Variants in MAGI1 observed in about 807,000 individuals in gnomAD.
The protein encoded by MAGI1 is membrane-associated guanylate kinase, WW and PDZ domain-containing protein 1.
In MAGI1, 58 loss-of-function variants were observed where a neutral mutation model predicts 139.9. That is an observed-to-expected ratio of 0.41 (90% CI 0.34 to 0.52). The LOEUF (loss-of-function observed/expected upper bound fraction) is 0.52. MAGI1 is among the 20% of genes least tolerant of loss of function. The pLI, the probability that MAGI1 is intolerant of heterozygous loss-of-function variation, is 0.12. For synonymous variants in MAGI1, 812 were observed against 737.9 expected, an observed-to-expected ratio of 1.10 and a Z score of -1.63; for missense variants, 1,874 against 1,901.6, an observed-to-expected ratio of 0.99 and a Z score of 0.27.
intron 1 of MAGI1, among the ~76,000 whole-genome samples, chr3:66,024,103 G>A (rs745915832): frequency 1.4e-4 from 22 of 151,946 alleles, no homozygotes; most frequent in Admixed American, 1.4e-3. Context: ...TCAGTATCCT[G>A]GGCCCTGAGA....
In MAGI1 at chr3:65,372,254, T is replaced by C. The variant is rs79167480; in HGVS notation, c.3196+3491A>G. 7.1e-3 allele frequency among the ~76,000 whole-genome samples: 1,085 copies of C among 152,338 alleles called. 18 individuals carry two copies. The highest frequency in any genetic ancestry group is 0.064 in the East Asian group (331 of 5,180). On this transcript the variant is annotated intron_variant, in intron 18 of 22. Transcript: ENST00000402939. The stretch of plus-strand genomic sequence containing the variant: ...TGTGTTAGCAGGCATGAGAACAACA[T>C]TCATTTCCTTGTACATTTCCATTAG...
chr3:65,570,258 T>G (rs886235375), intron 2 of MAGI1, among the ~76,000 whole-genome samples: 1 of 151,724 alleles, frequency 6.6e-6, no homozygotes, highest in Non-Finnish European at 1.5e-5. Context: ...TGCACCACTA[T>G]ATCCAGCTAA....
At chr3:65,699,437 T>C (rs1237208419) in intron 1 of MAGI1, among the ~76,000 whole-genome samples, 1 of 147,620 alleles carries the variant, frequency 6.8e-6, no homozygotes, top group Non-Finnish European at 1.5e-5. Flanking sequence ...CATATGTTTA[T>C]TGCGGCATTA....
chr3:65,908,322 G>A (rs1244374882), intron 1 of MAGI1, among the ~76,000 whole-genome samples: 4 of 149,296 alleles, frequency 2.7e-5, no homozygotes, highest in Non-Finnish European at 4.4e-5. Flanking sequence ...TTTTTTAATC[G>A]AGACAGAGTC....
chr3:65,788,865 C>A (rs1398399035), intron 1 of MAGI1, among the ~76,000 whole-genome samples: 2 of 152,092 alleles, frequency 1.3e-5, no homozygotes, highest in Non-Finnish European at 1.5e-5. Context: ...CAAGCTCACA[C>A]AACAAACAAA....
At chr3:65,548,919 CG>C (rs939963455) in intron 2 of MAGI1, among the ~76,000 whole-genome samples, 27 of 152,110 alleles carry the variant, frequency 1.8e-4, no homozygotes, top group African/African-American at 6.5e-4. Flanking sequence ...GCGGGGTCGG[CG>C]GGAACGGGAG....
chr3:65,650,587 G>A lies in MAGI1; in HGVS notation c.314-28499C>T, dbSNP rs576852290. Among the ~76,000 whole-genome samples, 3 of 152,338 alleles carry A rather than the reference G, an allele frequency of 2.0e-5. No homozygotes were observed. In the South Asian group the frequency reaches 6.2e-4, roughly 32 times the overall value. On this transcript the variant is annotated intron_variant, in intron 1 of 22. Coordinates refer to ENST00000402939, the MANE Select transcript of MAGI1 (RefSeq NM_001033057.2). ...TCTCCTGTGGAGGGAGCACATCCCT[G>A]TGTTAACACCTTGATTTCCAACGTC...
intron 1 of MAGI1, among the ~76,000 whole-genome samples, chr3:65,769,782 C>T (rs529354895): frequency 6.6e-6 from 1 of 152,226 alleles, no homozygotes; most frequent in East Asian, 1.9e-4. Flanking sequence ...TGTAACAGTG[C>T]CTGTTAAAAG....
At chr3:65,580,519 C>G (rs1254192164) in intron 2 of MAGI1, among the ~76,000 whole-genome samples, 1 of 152,134 alleles carries the variant, frequency 6.6e-6, no homozygotes, top group Admixed American at 6.5e-5. Context: ...ATCCTCTGAA[C>G]CAGTTCTTCC....
chr3:65,509,090 G>A (rs927077926), intron 2 of MAGI1, among the ~76,000 whole-genome samples: 1 of 152,162 alleles, frequency 6.6e-6, no homozygotes, highest in Non-Finnish European at 1.5e-5. Context: ...CTCATTTTCT[G>A]GGAAACCCAC....
At chr3:65,916,761 A>G (rs1299536134) in intron 1 of MAGI1, among the ~76,000 whole-genome samples, 1 of 151,964 alleles carries the variant, frequency 6.6e-6, no homozygotes, top group East Asian at 1.9e-4. Flanking sequence ...TTCTTACTTA[A>G]GTACATGTAT....
rs184444102 is a variant in MAGI1 at position 65,563,890 on chromosome 3, C to G, written c.430+58082G>C. On this transcript the variant is annotated intron_variant, in intron 2 of 22. Transcript: ENST00000402939. ...TATGCCAAGCCTTTATATTCATATT[C>G]ATTATTATCATGGTTACAAGCCTTC... Among the ~76,000 whole-genome samples the G allele has an allele frequency of 7.2e-5, 11 of 152,274 alleles. No individual in the cohort carries two copies. The East Asian group carries it at 2.1e-3, about 29-fold the overall frequency.
chr3:65,967,518 C>T (rs1197789958), intron 1 of MAGI1, among the ~76,000 whole-genome samples: 3 of 152,182 alleles, frequency 2.0e-5, no homozygotes, highest in Non-Finnish European at 4.4e-5. Context: ...TACAGGTTGC[C>T]CCAACTGGGG....
At position 65,994,492 on chromosome 3, in the gene MAGI1, A is replaced by C. The variant is rs370552180; in HGVS notation, c.313+43504T>G. On this transcript the variant is annotated intron_variant, in intron 1 of 22. Coordinates refer to ENST00000402939, the MANE Select transcript of MAGI1 (RefSeq NM_001033057.2). ...GGTCCACCCTGGGTGCTGACTAAAG[A>C]CTTCTTGAATGTATCTGTTTCAATT... Among the ~76,000 whole-genome samples, 16 of 152,226 alleles carry C rather than the reference A, an allele frequency of 1.1e-4. 1 individual carries two copies. The highest frequency in any genetic ancestry group is 3.6e-4 in the African/African-American group (15 of 41,536).
At chr3:65,973,280 G>A (rs2065097598) in intron 1 of MAGI1, among the ~76,000 whole-genome samples, 1 of 152,154 alleles carries the variant, frequency 6.6e-6, no homozygotes. Context: ...AAAATGTTAT[G>A]AGATAAAGTA....
intron 1 of MAGI1, among the ~76,000 whole-genome samples, chr3:65,971,600 C>T (rs142648513): frequency 3.9e-5 from 6 of 152,174 alleles, no homozygotes; most frequent in African/African-American, 1.2e-4. Flanking sequence ...CATGTTTTCA[C>T]GCAATTCAAA....
intron 3 of MAGI1, among the ~76,000 whole-genome samples, chr3:65,486,916 G>T (rs956928980): frequency 1.3e-5 from 2 of 152,144 alleles, no homozygotes; most frequent in Non-Finnish European, 2.9e-5. Context: ...ATAGAAGACA[G>T]AAACTAGGAG....
chr3:65,752,366 T>C (rs1333634582), intron 1 of MAGI1, among the ~76,000 whole-genome samples: 1 of 152,200 alleles, frequency 6.6e-6, no homozygotes, highest in African/African-American at 2.4e-5. Context: ...GATGAGGAAA[T>C]GCCTACTTAG....
chr3:65,967,228 A>C (rs1454578679), intron 1 of MAGI1, among the ~76,000 whole-genome samples: 1 of 152,224 alleles, frequency 6.6e-6, no homozygotes, highest in African/African-American at 2.4e-5. Flanking sequence ...CTATGTGATA[A>C]AACAGCATGG....
Sources: allele counts gnomAD v4.1 joint callset (sites outside exome capture counted in the v4.1 genomes callset), GRCh38; gene constraint gnomAD v4.1.1; transcripts MANE v1.5; gene names NCBI Gene and HGNC (gene_info 2026-07-23, HGNC 2026-07-21).